The following CACNG3 variants were observed in gnomAD, a reference collection of about 807,000 sequenced individuals.
CACNG3 encodes the protein calcium voltage-gated channel auxiliary subunit gamma 3, also known as voltage-dependent calcium channel gamma-3 subunit.
CACNG3 carries 3 observed loss-of-function variants against 28.5 expected under a neutral mutation model. The observed-to-expected ratio is 0.11, with a 90% CI of 0.05 to 0.27. CACNG3 has a LOEUF of 0.27. Among genes scored for constraint, CACNG3 ranks in the 10% least tolerant of loss-of-function variants. The probability of loss-of-function intolerance (pLI) is 1.00; values close to 1 mark genes in which losing one functional copy is unlikely to be tolerated. For missense variants in CACNG3, 236 were observed against 414.4 expected (o/e 0.57, Z 3.74); for synonymous variants, 174 against 162.2 (o/e 1.07, Z -0.55).
intron 1 of CACNG3, among the ~76,000 whole-genome samples, chr16:24,344,398 G>A (rs920126508): frequency 2.2e-5 from 3 of 134,008 alleles, no homozygotes; most frequent in Admixed American, 8.2e-5. Context: ...AATAGAGCAA[G>A]ACTCAGTCTC....
In CACNG3 at chr16:24,258,653, T is replaced by C. The variant is rs984608690; in HGVS notation, c.211+1688T>C. Among the ~76,000 whole-genome samples, 12 of 152,348 alleles carry C rather than the reference T, an allele frequency of 7.9e-5. 1 individual carries two copies. The highest frequency in any genetic ancestry group is 3.9e-4 in the Admixed American group (6 of 15,292). ...ATTTACCTCAGGGAAATTCCATATTTCCCTTTCTTATATTGGCTATAAGGA... is the reference window on the plus strand; with the variant it reads ...ATTTACCTCAGGGAAATTCCATATTCCCCTTTCTTATATTGGCTATAAGGA... On this transcript the variant is annotated intron_variant, in intron 1 of 3. Coordinates refer to ENST00000005284, the MANE Select transcript of CACNG3 (RefSeq NM_006539.4).
Position 24,269,787 on chromosome 16 carries a change from A to AAAAGAAAG in CACNG3, c.211+12836_211+12843dup, listed in dbSNP as rs527400868. On this transcript the variant is annotated intron_variant, in intron 1 of 3. Transcript: ENST00000005284. ...AAAAAAGAGAAAGAAGAAAGAAAGA[A>AAAAGAAAG]AAAGAAAGAAAGAAAGAAAGAGAAA... Among the ~76,000 whole-genome samples, 1,135 of 149,180 alleles carry AAAAGAAAG rather than the reference A, an allele frequency of 7.6e-3. 18 individuals carry two copies. The highest frequency in any genetic ancestry group is 0.027 in the African/African-American group (1,099 of 40,260).
chr16:24,353,450 T>C (rs1230954348), intron 2 of CACNG3, among the ~76,000 whole-genome samples: 2 of 152,218 alleles, frequency 1.3e-5, no homozygotes, highest in Non-Finnish European at 1.5e-5. Context: ...GAAAATACTC[T>C]TATACTGGAT....
intron 1 of CACNG3, among the ~76,000 whole-genome samples, chr16:24,302,567 A>T (rs577873609): frequency 3.6e-4 from 54 of 151,646 alleles, no homozygotes; most frequent in African/African-American, 1.3e-3. Context: ...CCATCTTCCC[A>T]CCTCAGCCCC....
intron 1 of CACNG3, among the ~76,000 whole-genome samples, chr16:24,267,125 C>T (rs1247269133): frequency 1.3e-5 from 2 of 151,872 alleles, no homozygotes; most frequent in Non-Finnish European, 2.9e-5. Context: ...CGCCACCACA[C>T]CTGGCTAATT....
intron 1 of CACNG3, among the ~76,000 whole-genome samples, chr16:24,299,121 T>A (rs1468764735): frequency 6.6e-6 from 1 of 152,154 alleles, no homozygotes; most frequent in Non-Finnish European, 1.5e-5. Flanking sequence ...GAGTAGGAAA[T>A]TAGGCTTCAC....
chr16:24,344,442 T>C (rs1199469823), intron 1 of CACNG3, among the ~76,000 whole-genome samples: 2 of 150,804 alleles, frequency 1.3e-5, no homozygotes, highest in Non-Finnish European at 2.9e-5. Context: ...ATGCTTAGAA[T>C]GGTACCTGGT....
intron 1 of CACNG3, among the ~76,000 whole-genome samples, chr16:24,273,382 A>T (rs994263477): frequency 4.6e-5 from 7 of 152,266 alleles, no homozygotes; most frequent in East Asian, 1.9e-4. Flanking sequence ...CTAATTTTTT[A>T]AAATAACGCA....
In CACNG3 at chr16:24,361,648, C is replaced by T; in HGVS notation, c.733C>T (p.Arg245Ter). ...SSSRSTEPRS[R>*]DLSPISKGFH... ...TTCTCGCTCCACCGAGCCCAGATCC[C>T]GAGACCTGTCCCCCATCAGCAAAGG... Residue 245 changes from arginine (R) to a stop codon, truncating the protein, a stop_gained, in exon 4 of 4, where the codon CGA (arginine) becomes TGA (stop). Transcript: ENST00000005284. LOFTEE classifies it high-confidence loss of function. This position sits in a 1 kb window ranked among gnomAD's most constrained non-coding sequence, Gnocchi z 6.8. 1 of 1,613,986 alleles carries T rather than the reference C, an allele frequency of 6.2e-7. No individual in the cohort carries two copies. Among genetic ancestry groups the T allele is most frequent in the Non-Finnish European group, 8.5e-7 (1 of 1,179,970 alleles).
At chr16:24,301,797 T>C (rs1899115781) in intron 1 of CACNG3, among the ~76,000 whole-genome samples, 1 of 152,194 alleles carries the variant, frequency 6.6e-6, no homozygotes, top group Non-Finnish European at 1.5e-5. Context: ...AGCACTATTC[T>C]ATTCATCGGC....
At chr16:24,269,834 A>C (rs902231502) in intron 1 of CACNG3, among the ~76,000 whole-genome samples, 1 of 150,984 alleles carries the variant, frequency 6.6e-6, no homozygotes, top group African/African-American at 2.4e-5. Context: ...GAAAGACAAA[A>C]GAAAATCTGT....
chr16:24,350,469 T>G (rs1482648580), intron 2 of CACNG3, among the ~76,000 whole-genome samples: 1 of 152,134 alleles, frequency 6.6e-6, no homozygotes, highest in Non-Finnish European at 1.5e-5. Flanking sequence ...GGCTAATTTC[T>G]TTTTACATTT....
chr16:24,272,725 G>A (rs1025590435), intron 1 of CACNG3, among the ~76,000 whole-genome samples: 2 of 151,636 alleles, frequency 1.3e-5, no homozygotes, highest in Non-Finnish European at 2.9e-5. Flanking sequence ...TTTTCAACTT[G>A]CCATTTATTT....
intron 1 of CACNG3, among the ~76,000 whole-genome samples, chr16:24,276,637 G>A (rs560218364): frequency 6.6e-5 from 10 of 152,338 alleles, no homozygotes; most frequent in Middle Eastern, 3.4e-3. Context: ...GCTAAGCTAA[G>A]TCATTGTTCC....
chr16:24,352,476 G>A lies in CACNG3; in HGVS notation c.296-2357G>A, dbSNP rs144786457. Among the ~76,000 whole-genome samples the A allele has an allele frequency of 2.6e-5, 4 of 152,208 alleles. No individual in the cohort carries two copies. In the East Asian group the frequency reaches 5.8e-4, roughly 22 times the overall value. ...GTGTTACCACCTCAGGTCTACCCCCGCAGTCCAAGCTATGAAGGGCTTTTG... is the reference window on the plus strand; with the variant it reads ...GTGTTACCACCTCAGGTCTACCCCCACAGTCCAAGCTATGAAGGGCTTTTG... On this transcript the variant is annotated intron_variant, in intron 2 of 3. Coordinates refer to ENST00000005284, the MANE Select transcript of CACNG3 (RefSeq NM_006539.4).
At chr16:24,259,434 C>T (rs1331828512) in intron 1 of CACNG3, among the ~76,000 whole-genome samples, 2 of 152,160 alleles carry the variant, frequency 1.3e-5, no homozygotes, top group Non-Finnish European at 2.9e-5. Context: ...ATGAACAGTC[C>T]TTTCCCATTC....
At chr16:24,317,756 C>T (rs1899403069) in intron 1 of CACNG3, among the ~76,000 whole-genome samples, 1 of 152,070 alleles carries the variant, frequency 6.6e-6, no homozygotes, top group Admixed American at 6.6e-5. Context: ...TCGGGTCCCA[C>T]CCCAGACCTG....
At chr16:24,301,871 C>T (rs1899117103) in intron 1 of CACNG3, among the ~76,000 whole-genome samples, 1 of 152,138 alleles carries the variant, frequency 6.6e-6, no homozygotes, top group Non-Finnish European at 1.5e-5. Context: ...CTATTCTCCT[C>T]CTCTGGACCT....
intron 1 of CACNG3, among the ~76,000 whole-genome samples, chr16:24,294,820 A>C (rs1899010259): frequency 6.6e-6 from 1 of 152,220 alleles, no homozygotes; most frequent in African/African-American, 2.4e-5. Flanking sequence ...GCAAAATTAG[A>C]AAAAGGATTT....
Sources: allele counts gnomAD v4.1 joint callset (sites outside exome capture counted in the v4.1 genomes callset), GRCh38; gene constraint gnomAD v4.1.1; non-coding constraint Gnocchi (gnomAD v3.1); transcripts MANE v1.5; gene names NCBI Gene and HGNC (gene_info 2026-07-23, HGNC 2026-07-21).